DIAPH2: variants seen among roughly 807,000 people sequenced by gnomAD.
DIAPH2 encodes the protein diaphanous related formin 2.
DIAPH2 carries 35 observed loss-of-function variants against 92.7 expected under a neutral mutation model. That is an observed-to-expected ratio of 0.38 (90% CI 0.29 to 0.50). DIAPH2 has a LOEUF of 0.50. Among genes scored for constraint, DIAPH2 ranks in the 20% least tolerant of loss-of-function variants. DIAPH2 has a pLI of 0.94. For synonymous variants in DIAPH2, 301 were observed against 280.4 expected (o/e 1.07, Z -0.73); for missense variants, 701 against 819.5 (o/e 0.86, Z 1.77).
At chrX:96,768,659 G>C (rs2064318999) in intron 4 of DIAPH2, among the ~76,000 whole-genome samples, 1 of 111,556 alleles carries the variant, frequency 9.0e-6, no homozygotes, top group African/African-American at 3.3e-5. Flanking sequence ...ATGAAAATGG[G>C]AAGAGCCATG....
chrX:96,724,248 A>G, intron 1 of DIAPH2, among the ~76,000 whole-genome samples: 1 of 111,406 alleles, frequency 9.0e-6, no homozygotes, highest in Non-Finnish European at 1.9e-5. Flanking sequence ...TTTTAAGCGT[A>G]TCTTTATTTG....
At chrX:97,204,437 C>T (rs1389447823) in intron 22 of DIAPH2, among the ~76,000 whole-genome samples, 1 of 111,440 alleles carries the variant, frequency 9.0e-6, no homozygotes, top group Non-Finnish European at 1.9e-5. Flanking sequence ...GTCTCAGCCC[C>T]AAAACTCCTT....
intron 17 of DIAPH2, among the ~76,000 whole-genome samples, chrX:97,011,177 T>C (rs1319574555): frequency 8.9e-6 from 1 of 112,549 alleles, no homozygotes; most frequent in Non-Finnish European, 1.9e-5. Flanking sequence ...TGAATTACAC[T>C]CAAAGTATTC....
intron 9 of DIAPH2, among the ~76,000 whole-genome samples, chrX:96,924,079 A>G (rs2065563939): frequency 8.9e-6 from 1 of 111,777 alleles, no homozygotes; most frequent in Non-Finnish European, 1.9e-5. Flanking sequence ...CCATTAATGT[A>G]CTCAGACCAT....
At chrX:97,188,969 GA>G (rs1303741855) in intron 22 of DIAPH2, among the ~76,000 whole-genome samples, 1 of 111,331 alleles carries the variant, frequency 9.0e-6, no homozygotes, top group Non-Finnish European at 1.9e-5. Flanking sequence ...GAATTTTATG[GA>G]TATATATGAG....
chrX:96,779,879 C>T (rs1032457180), intron 4 of DIAPH2, among the ~76,000 whole-genome samples: 1 of 112,036 alleles, frequency 8.9e-6, no homozygotes, highest in Non-Finnish European at 1.9e-5. Context: ...GTAAGTTCTA[C>T]GTTTTTTTCC....
chrX:96,986,490 T>C (rs1246275037), intron 17 of DIAPH2, among the ~76,000 whole-genome samples: 2 of 111,701 alleles, frequency 1.8e-5, no homozygotes, highest in African/African-American at 6.5e-5. Context: ...CAACTTTCCA[T>C]GTAGGAAGTA....
At chrX:97,029,840 A>G (rs781156127) in intron 17 of DIAPH2, among the ~76,000 whole-genome samples, 1 of 111,331 alleles carries the variant, frequency 9.0e-6, no homozygotes, top group African/African-American at 3.3e-5. Flanking sequence ...CTTGATTACT[A>G]TAGCTTTATA....
chrX:97,346,653 G>A (rs1030112997), intron 23 of DIAPH2, among the ~76,000 whole-genome samples: 3 of 111,596 alleles, frequency 2.7e-5, no homozygotes, highest in African/African-American at 9.8e-5. Context: ...TTTATGATTA[G>A]GTTTGATGAA....
At chrX:97,172,804 A>G (rs1290360897) in intron 22 of DIAPH2, among the ~76,000 whole-genome samples, 5 of 111,704 alleles carry the variant, frequency 4.5e-5, no homozygotes, top group Non-Finnish European at 9.4e-5. Flanking sequence ...CAAGTCCCCT[A>G]CTTTCAAACT....
At chrX:97,429,874 G>C in intron 26 of DIAPH2, 129 bp downstream of exon 26, 2 of 599,525 alleles carry the variant, frequency 3.3e-6, no homozygotes, top group South Asian at 8.5e-5. Context: ...GTTGATCTCA[G>C]CTCATGTGTG....
chrX:96,697,513 G>A, intron 1 of DIAPH2, among the ~76,000 whole-genome samples: 1 of 109,759 alleles, frequency 9.1e-6, no homozygotes, highest in Non-Finnish European at 1.9e-5. Flanking sequence ...AGGCATGGTG[G>A]CATGTACCTG....
intron 23 of DIAPH2, among the ~76,000 whole-genome samples, chrX:97,276,556 A>G (rs749599970): frequency 9.0e-6 from 1 of 111,706 alleles, no homozygotes; most frequent in African/African-American, 3.3e-5. Flanking sequence ...GAAGGAAACA[A>G]TGCTGATTTC....
In DIAPH2 at chrX:97,600,822, C is replaced by CATCT. The variant is rs2071589821; in HGVS notation, c.*1506_*1509dup. On this transcript the variant is annotated 3_prime_UTR_variant, in exon 27 of 27. Coordinates refer to ENST00000324765, the MANE Select transcript of DIAPH2 (RefSeq NM_006729.5). The stretch of plus-strand genomic sequence containing the variant: ...ACAAATGGCTGGCTTGGCAAATCCC[C>CATCT]ATCTGAGATAAAGTAAACAAGTGAC... 1 of 111,976 alleles carries CATCT rather than the reference C, an allele frequency of 8.9e-6. No individual in the cohort carries two copies. Among genetic ancestry groups the CATCT allele is most frequent in the Admixed American group, 9.5e-5 (1 of 10,550 alleles). 9.2% of individuals were successfully genotyped at this position (111,976 alleles called of 1,213,427 possible).
At chrX:97,415,756 G>A (rs1446276450) in intron 25 of DIAPH2, among the ~76,000 whole-genome samples, 1 of 110,649 alleles carries the variant, frequency 9.0e-6, no homozygotes, top group Non-Finnish European at 1.9e-5. Flanking sequence ...TAATGTAAAT[G>A]ACGAGTTAAT....
At chrX:97,570,096 ATATATATATATATATATATATATATATT>A (rs2071355538) in intron 26 of DIAPH2, among the ~76,000 whole-genome samples, 5 of 30,283 alleles carry the variant, frequency 1.7e-4, no homozygotes, top group African/African-American at 5.1e-4. Flanking sequence ...ATATATATAT[ATATATATATATATATATATATATATATT>A]AGAAGATAGA....
chrX:97,478,308 T>C (rs186106715), intron 26 of DIAPH2, among the ~76,000 whole-genome samples: 1 of 111,914 alleles, frequency 8.9e-6, no homozygotes, highest in African/African-American at 3.2e-5. Flanking sequence ...ATTTGTCAAA[T>C]TTTATTCTTT....
chrX:97,142,414 A>G (rs777145208), intron 22 of DIAPH2, among the ~76,000 whole-genome samples: 3 of 111,508 alleles, frequency 2.7e-5, no homozygotes, highest in African/African-American at 9.8e-5. Context: ...GCAAAGTGGC[A>G]GAATGTTTTA....
chrX:96,952,187 GTCTT>G (rs1394953857), intron 15 of DIAPH2, among the ~76,000 whole-genome samples: 2 of 111,189 alleles, frequency 1.8e-5, no homozygotes, highest in African/African-American at 6.5e-5. Context: ...TTTTAATCTT[GTCTT>G]TCTTTCTAAC....
Sources: allele counts gnomAD v4.1 joint callset (sites outside exome capture counted in the v4.1 genomes callset), GRCh38; gene constraint gnomAD v4.1.1; transcripts MANE v1.5; gene names NCBI Gene and HGNC (gene_info 2026-07-23, HGNC 2026-07-21).